NAV3: variants seen among roughly 807,000 people sequenced by gnomAD.
NAV3 encodes the protein pore membrane and/or filament interacting like protein 1.
NAV3 carries 87 observed loss-of-function variants against 244.7 expected under a neutral mutation model. The ratio of observed to expected loss-of-function variants is 0.36; its 90% CI spans 0.30 to 0.42. The LOEUF (loss-of-function observed/expected upper bound fraction) is 0.42. Ranked by LOEUF, NAV3 falls within the 20% of genes least tolerant of loss-of-function variation. NAV3 has a pLI of 1.00. For missense variants in NAV3, 2,663 were observed against 2,893.3 expected (o/e 0.92, Z 1.83); for synonymous variants, 1,126 against 1,042.2 (o/e 1.08, Z -1.55).
chr12:77,769,931 A>G (rs1021204833), intron 2 of NAV3, among the ~76,000 whole-genome samples: 2 of 152,170 alleles, frequency 1.3e-5, no homozygotes, highest in East Asian at 3.9e-4. Context: ...GGTAACTAGG[A>G]TATTTTTTTT....
At chr12:77,845,811 G>A (rs533635255) in intron 1 of NAV3, among the ~76,000 whole-genome samples, 4 of 152,064 alleles carry the variant, frequency 2.6e-5, no homozygotes, top group African/African-American at 9.6e-5. Context: ...ATGCCACCAT[G>A]CCCAGCTAAT....
At chr12:78,208,456 A>C (rs1373135499) in intron 39 of NAV3, among the ~76,000 whole-genome samples, 2 of 152,290 alleles carry the variant, frequency 1.3e-5, no homozygotes, top group Admixed American at 1.3e-4. Flanking sequence ...AGAAGTGGGG[A>C]AGAAGAGAGG....
chr12:77,986,943 C>G (rs921968934), intron 5 of NAV3, among the ~76,000 whole-genome samples: 14 of 151,976 alleles, frequency 9.2e-5, no homozygotes, highest in African/African-American at 3.1e-4. Context: ...AAATTATGTT[C>G]CACATTTATT....
intron 1 of NAV3, among the ~76,000 whole-genome samples, chr12:77,899,887 G>A (rs938868687): frequency 6.6e-6 from 1 of 151,778 alleles, no homozygotes. Flanking sequence ...TTTATTAATC[G>A]TTTTAATTTT....
At chr12:77,722,485 C>T (rs943687634) in intron 2 of NAV3, among the ~76,000 whole-genome samples, 5 of 151,962 alleles carry the variant, frequency 3.3e-5, no homozygotes, top group Admixed American at 2.0e-4. Flanking sequence ...GCTGGTATAG[C>T]TGTTTAGCAA....
chr12:77,842,400 T>C (rs916900231), intron 1 of NAV3, among the ~76,000 whole-genome samples: 1 of 151,976 alleles, frequency 6.6e-6, no homozygotes, highest in African/African-American at 2.4e-5. Flanking sequence ...TTCAACTTGC[T>C]TCAATACCTG....
At chr12:78,124,730 A>T (rs1918187) in intron 16 of NAV3, among the ~76,000 whole-genome samples, 1 of 152,082 alleles carries the variant, frequency 6.6e-6, no homozygotes, top group African/African-American at 2.4e-5. Context: ...TGGGGATTAC[A>T]GGTGTGAGCC....
intron 2 of NAV3, among the ~76,000 whole-genome samples, chr12:77,604,001 G>T (rs1870559120): frequency 6.6e-6 from 1 of 152,064 alleles, no homozygotes; most frequent in African/African-American, 2.4e-5. Context: ...GAGAGTTCTT[G>T]GTTGATATTC....
intron 2 of NAV3, among the ~76,000 whole-genome samples, chr12:77,769,123 G>T (rs1413519548): frequency 1.3e-5 from 2 of 152,150 alleles, no homozygotes; most frequent in African/African-American, 4.8e-5. Flanking sequence ...TCAGTAATTT[G>T]CTCAAGGTAA....
At chr12:77,807,307 C>T (rs751639680) in intron 2 of NAV3, among the ~76,000 whole-genome samples, 49 of 152,142 alleles carry the variant, frequency 3.2e-4, no homozygotes, top group Non-Finnish European at 5.4e-4. Flanking sequence ...TTTGCAGTGG[C>T]TGGTACTGGT....
chr12:78,133,679 C>T (rs1038970185), intron 18 of NAV3, among the ~76,000 whole-genome samples: 2 of 152,080 alleles, frequency 1.3e-5, no homozygotes, highest in East Asian at 3.9e-4. Flanking sequence ...GAGCTACTGC[C>T]ACAGTAAACT....
At position 77,966,277 on chromosome 12, in the gene NAV3, A is replaced by C. The variant is rs1160604666; in HGVS notation, c.463A>C (p.Asn155His). 6.2e-7 allele frequency: 1 copy of C among 1,613,440 alleles called. No individual in the cohort carries two copies. Among genetic ancestry groups the C allele is most frequent in the Non-Finnish European group, 8.5e-7 (1 of 1,179,684 alleles). The part of the protein sequence containing the change: ...CLSFLAARGV[N>H]VQGLSAEEIR... ...TAGTTTTCTAGCAGCCAGAGGGGTA[A>C]ATGTTCAAGGTCTATCTGCTGAAGG... Residue 155 changes from asparagine (N) to histidine (H), a missense_variant, in exon 4 of 40, where the codon AAT becomes CAT. Physicochemically the swap from Asn to His is moderately conservative, Grantham distance 68. This residue lies in a region of NAV3 where 1,521 missense variants were observed against 1,497.0 expected (regional missense o/e 1.02). Transcript: ENST00000397909.
intron 20 of NAV3, 86 bp downstream of exon 20, chr12:78,140,420 A>G (rs1486184420): frequency 3.4e-6 from 4 of 1,167,518 alleles, no homozygotes; most frequent in Non-Finnish European, 5.1e-6. Flanking sequence ...AACAGATCAC[A>G]TTCATCTATG....
chr12:77,869,218 A>ACCTT (rs147136385), intron 1 of NAV3, among the ~76,000 whole-genome samples: 1,762 of 148,552 alleles, frequency 0.012, 35 homozygotes, highest in African/African-American at 0.041. Context: ...GAATTGCCTA[A>ACCTT]CCTAAGCCTT....
At chr12:77,573,357 G>T (rs2136647241) in intron 2 of NAV3, among the ~76,000 whole-genome samples, 1 of 152,220 alleles carries the variant, frequency 6.6e-6, no homozygotes, top group South Asian at 2.1e-4. Flanking sequence ...TAATCCTTTT[G>T]TCATTAATAG....
intron 2 of NAV3, among the ~76,000 whole-genome samples, chr12:77,731,097 A>G (rs1357005505): frequency 6.6e-6 from 1 of 152,000 alleles, no homozygotes; most frequent in African/African-American, 2.4e-5. Flanking sequence ...AACTAAGGGA[A>G]TAAATCAAGA....
At chr12:78,184,297 T>C (rs1958620259) in intron 30 of NAV3, among the ~76,000 whole-genome samples, 1 of 151,912 alleles carries the variant, frequency 6.6e-6, no homozygotes, top group South Asian at 2.1e-4. Flanking sequence ...TAAAGTAATT[T>C]GATCACAAAC....
At chr12:77,879,973 A>G (rs1387356070) in intron 1 of NAV3, among the ~76,000 whole-genome samples, 2 of 152,138 alleles carry the variant, frequency 1.3e-5, no homozygotes, top group Non-Finnish European at 2.9e-5. Flanking sequence ...TTCCTTATTC[A>G]TGCATAATCC....
At chr12:77,699,058 T>G (rs2137194314) in intron 2 of NAV3, among the ~76,000 whole-genome samples, 1 of 152,290 alleles carries the variant, frequency 6.6e-6, no homozygotes, top group Non-Finnish European at 1.5e-5. Flanking sequence ...CTGTTAGTTC[T>G]TAGAGGTTAT....
Sources: gnomAD v4.1 joint callset for allele counts (sites outside exome capture counted in the v4.1 genomes callset) on GRCh38, gnomAD v4.1.1 for gene constraint, gnomAD v4.1.1 regional missense constraint, MANE v1.5 for transcripts, NCBI Gene and HGNC (gene_info 2026-07-23, HGNC 2026-07-21) for gene names.